The following PDZD2 variants were observed in gnomAD, a reference collection of about 807,000 sequenced individuals.
The protein encoded by PDZD2 is PDZ domain-containing protein 2.
Under a neutral mutation model 220.7 loss-of-function variants are expected in PDZD2, and 90 were observed. The observed-to-expected ratio is 0.41, with a 90% CI of 0.34 to 0.49. PDZD2 has a LOEUF of 0.49. PDZD2 is among the 20% of genes least tolerant of loss of function. PDZD2 has a pLI of 0.28. For synonymous variants in PDZD2, 1,375 were observed against 1,450.5 expected, an observed-to-expected ratio of 0.95 and a Z score of 1.18; for missense variants, 3,174 against 3,608.5, an observed-to-expected ratio of 0.88 and a Z score of 3.08.
chr5:31,648,461 ACT>A (rs1299316938), intron 1 of PDZD2, among the ~76,000 whole-genome samples: 1 of 151,680 alleles, frequency 6.6e-6, no homozygotes, highest in Non-Finnish European at 1.5e-5. Context: ...TTTTCCCGAC[ACT>A]CTGTATCCAA....
At chr5:31,993,189 CAT>C (rs1449692481) in intron 3 of PDZD2, among the ~76,000 whole-genome samples, 1 of 152,156 alleles carries the variant, frequency 6.6e-6, no homozygotes, top group Non-Finnish European at 1.5e-5. Flanking sequence ...AACCAAAAAC[CAT>C]AGAGTCCAAA....
chr5:32,098,415 CG>C lies in PDZD2; in HGVS notation c.8000del (p.Arg2667GlnfsTer16), dbSNP rs752606577. ...GAASQEGTMN[R>X]GDFLLSVNGA... is the part of the protein sequence containing the mutation. ...GGCTTCTCAGGAAGGGACTATGAAC[CG>C]AGGGGATTTCCTTCTGTCAGTCAAC... is the stretch of plus-strand genomic sequence containing the variant. On this transcript the variant is annotated frameshift_variant, in exon 23 of 25. Coordinates refer to ENST00000438447, the MANE Select transcript of PDZD2 (RefSeq NM_178140.4). LOFTEE classifies it high-confidence loss of function. The surrounding 1 kb of genome is among the most constrained non-coding windows in gnomAD (Gnocchi z 4.1). The C allele has an allele frequency of 6.2e-7, 1 of 1,614,052 alleles. No individual in the cohort carries two copies. Among genetic ancestry groups the C allele is most frequent in the African/African-American group, 1.3e-5 (1 of 75,018 alleles).
chr5:31,860,458 T>C, intron 2 of PDZD2, among the ~76,000 whole-genome samples: 1 of 152,190 alleles, frequency 6.6e-6, no homozygotes, highest in East Asian at 1.9e-4. Context: ...CAATCATTGT[T>C]TCTCCTGTTC....
At chr5:32,063,323 C>G (rs1453784518) in intron 14 of PDZD2, among the ~76,000 whole-genome samples, 1 of 152,136 alleles carries the variant, frequency 6.6e-6, no homozygotes. Flanking sequence ...TGTGAGCCAC[C>G]ACGCCCGGTC....
At chr5:31,856,959 TACAA>T (rs1758506775) in intron 2 of PDZD2, among the ~76,000 whole-genome samples, 2 of 151,604 alleles carry the variant, frequency 1.3e-5, no homozygotes, top group Admixed American at 1.3e-4. Context: ...CAAATATGTC[TACAA>T]GGCTTATAAC....
In PDZD2 at chr5:31,686,086, C is replaced by G. The variant is rs1486106478; in HGVS notation, c.-361+46649C>G. 2.0e-5 allele frequency among the ~76,000 whole-genome samples: 3 copies of G among 148,436 alleles called. No individual in the cohort carries two copies. The East Asian group carries it at 6.0e-4, about 30-fold the overall frequency. On this transcript the variant is annotated intron_variant, in intron 1 of 24. Coordinates refer to ENST00000438447, the MANE Select transcript of PDZD2 (RefSeq NM_178140.4). ...GGTCCCAGCTACCCTACTACCCTACCCTACTACCCAGGTAGTAGTCCCAGC... is the reference window on the plus strand; with the variant it reads ...GGTCCCAGCTACCCTACTACCCTACGCTACTACCCAGGTAGTAGTCCCAGC...
At chr5:31,659,573 C>A (rs1431674343) in intron 1 of PDZD2, among the ~76,000 whole-genome samples, 4 of 152,130 alleles carry the variant, frequency 2.6e-5, no homozygotes. Context: ...TCCCTCACCT[C>A]TCTATGGCTC....
intron 2 of PDZD2, among the ~76,000 whole-genome samples, chr5:31,821,506 G>A (rs1293572637): frequency 1.3e-5 from 2 of 151,952 alleles, no homozygotes; most frequent in East Asian, 1.9e-4. Flanking sequence ...TCAGCCTCCT[G>A]AGTAGCTGGG....
At chr5:31,965,535 T>C (rs1227906806) in intron 2 of PDZD2, among the ~76,000 whole-genome samples, 1 of 152,178 alleles carries the variant, frequency 6.6e-6, no homozygotes, top group Non-Finnish European at 1.5e-5. Context: ...TGTATTTGCA[T>C]ATCAAAGGTT....
intron 2 of PDZD2, among the ~76,000 whole-genome samples, chr5:31,920,624 T>C (rs536470561): frequency 2.0e-5 from 3 of 151,724 alleles, no homozygotes; most frequent in South Asian, 2.1e-4. Context: ...CTGGGAAATA[T>C]AGTAAAACCT....
At chr5:31,849,906 A>ACG (rs1491163955) in intron 2 of PDZD2, among the ~76,000 whole-genome samples, 9 of 23,000 alleles carry the variant, frequency 3.9e-4, no homozygotes, top group South Asian at 1.4e-3. Context: ...ATATATATAC[A>ACG]TATATATATA....
At chr5:31,656,844 G>T (rs188263502) in intron 1 of PDZD2, among the ~76,000 whole-genome samples, 55 of 152,322 alleles carry the variant, frequency 3.6e-4, no homozygotes, top group African/African-American at 1.3e-3. Context: ...GAGCAAAGGG[G>T]CTGCTTTATA....
chr5:32,038,328 G>A (rs2112228780), intron 7 of PDZD2, among the ~76,000 whole-genome samples: 1 of 151,066 alleles, frequency 6.6e-6, no homozygotes, highest in African/African-American at 2.4e-5. Context: ...AGGAGATCAA[G>A]GCTATCCTGG....
intron 1 of PDZD2, 50 bp from the exon 2 acceptor site, chr5:31,798,839 G>A: frequency 5.3e-6 from 1 of 188,460 alleles, no homozygotes; most frequent in South Asian, 1.4e-4. Context: ...TAGGTGAGAA[G>A]GCTCACTGTT....
intron 2 of PDZD2, among the ~76,000 whole-genome samples, chr5:31,923,926 G>A (rs546629566): frequency 5.9e-4 from 90 of 152,116 alleles, no homozygotes; most frequent in Middle Eastern, 3.4e-3. Flanking sequence ...CGTGTCTCCT[G>A]CTTCTGACCC....
At chr5:32,025,591 C>CTTTTGTTTTTTT (rs1754584196) in intron 6 of PDZD2, among the ~76,000 whole-genome samples, 1 of 67,508 alleles carries the variant, frequency 1.5e-5, no homozygotes, top group African/African-American at 6.6e-5. Context: ...AACCATGATG[C>CTTTTGTTTTTTT]TTTTTTTTTT....
intron 6 of PDZD2, among the ~76,000 whole-genome samples, chr5:32,012,813 A>G (rs1475212399): frequency 1.3e-5 from 2 of 151,852 alleles, no homozygotes. Context: ...TATTAAATAT[A>G]TTACATGTTA....
rs563679537 is a variant in PDZD2, at chr5:32,027,912, ATCT to A, written c.1408-9317_1408-9315del. ...AGCTTCCTTTGGCAACCTAAAAATAATCTTAGTGTGACTGAAGCCTGAAAGGGA... is the reference window on the plus strand; with the variant it reads ...AGCTTCCTTTGGCAACCTAAAAATAATAGTGTGACTGAAGCCTGAAAGGGA... On this transcript the variant is annotated intron_variant, in intron 6 of 24. Transcript: ENST00000438447. 1.2e-4 allele frequency among the ~76,000 whole-genome samples: 19 copies of A among 152,334 alleles called. No individual in the cohort carries two copies. The South Asian group carries it at 2.7e-3, about 22-fold the overall frequency.
intron 1 of PDZD2, among the ~76,000 whole-genome samples, chr5:31,686,533 T>C (rs1746878529): frequency 6.6e-6 from 1 of 151,790 alleles, no homozygotes. Flanking sequence ...CTGGCTGAAT[T>C]TTTTTGTATT....
Sources: allele counts gnomAD v4.1 joint callset (sites outside exome capture counted in the v4.1 genomes callset), GRCh38; gene constraint gnomAD v4.1.1; non-coding constraint Gnocchi (gnomAD v3.1); transcripts MANE v1.5; gene names NCBI Gene and HGNC (gene_info 2026-07-23, HGNC 2026-07-21).